The following TSPAN9 variants were observed in gnomAD, a reference collection of about 807,000 sequenced individuals.
TSPAN9 encodes the protein tetraspanin-9.
TSPAN9 carries 16 observed loss-of-function variants against 31.0 expected under a neutral mutation model. The ratio of observed to expected loss-of-function variants is 0.52; its 90% CI spans 0.35 to 0.78. The LOEUF (loss-of-function observed/expected upper bound fraction) is 0.78. Among genes scored for constraint, TSPAN9 ranks in the 30% least tolerant of loss-of-function variants. TSPAN9 has a pLI of 0.01. For missense variants in TSPAN9, 272 were observed against 312.5 expected, an observed-to-expected ratio of 0.87 and a Z score of 0.98; for synonymous variants, 145 against 121.6, an observed-to-expected ratio of 1.19 and a Z score of -1.27.
intron 2 of TSPAN9, among the ~76,000 whole-genome samples, chr12:3,130,242 C>T (rs2098329213): frequency 6.6e-6 from 1 of 152,252 alleles, no homozygotes; most frequent in Admixed American, 6.5e-5. Flanking sequence ...CATTTGGCAG[C>T]CGCTTGAAGC....
chr12:3,265,218 C>T (rs1234947362), intron 3 of TSPAN9, among the ~76,000 whole-genome samples: 1 of 152,198 alleles, frequency 6.6e-6, no homozygotes, highest in African/African-American at 2.4e-5. Flanking sequence ...TCTATGCTTT[C>T]CTCTGAAACT....
chr12:3,116,746 C>T lies in TSPAN9; in HGVS notation c.-18+33027C>T, dbSNP rs540599121. On this transcript the variant is annotated intron_variant, in intron 2 of 8. Transcript: ENST00000011898. ...TGGCCGTGCCTCTGCCGTCAGAGCC[C>T]GGGAGCGCGCGCCTGCCCTGTCGTC... is the stretch of plus-strand genomic sequence containing the variant. 1.0e-3 allele frequency among the ~76,000 whole-genome samples: 159 copies of T among 152,284 alleles called. 1 individual carries two copies. The highest frequency in any genetic ancestry group is 3.3e-3 in the African/African-American group (136 of 41,558).
rs111718664 is a variant in TSPAN9, at chr12:3,107,799, G to A, written c.-18+24080G>A. 6.6e-6 allele frequency among the ~76,000 whole-genome samples: 1 copy of A among 152,158 alleles called. No homozygotes were observed. Among genetic ancestry groups the A allele is most frequent in the Non-Finnish European group, 1.5e-5 (1 of 68,042 alleles). On this transcript the variant is annotated intron_variant, in intron 2 of 8. Transcript: ENST00000011898. This position sits in a 1 kb window ranked among gnomAD's most constrained non-coding sequence, Gnocchi z 4.1. ...ACAAATCCAGATACCTGGTGATATCGCTAGTGCTACCTGGGCATGAATTCA... is the reference window on the plus strand; with the variant it reads ...ACAAATCCAGATACCTGGTGATATCACTAGTGCTACCTGGGCATGAATTCA...
rs949477933 is a variant in TSPAN9 at position 3,095,929 on chromosome 12, G to T, written c.-18+12210G>T. On this transcript the variant is annotated intron_variant, in intron 2 of 8. Coordinates refer to ENST00000011898, the MANE Select transcript of TSPAN9 (RefSeq NM_006675.5). ...CAGAGACACTCCTCACTTCCCAGAC[G>T]GGGTGGCGGCCGGGCAGAGGCTGCA... Among the ~76,000 whole-genome samples the T allele has an allele frequency of 1.3e-4, 20 of 149,818 alleles. No individual in the cohort carries two copies. The East Asian group carries it at 3.6e-3, about 27-fold the overall frequency.
chr12:3,105,824 A>G (rs7484793), intron 2 of TSPAN9, among the ~76,000 whole-genome samples: 23 of 148,458 alleles, frequency 1.5e-4, no homozygotes, highest in South Asian at 2.1e-4. Context: ...GCACACGCGC[A>G]CACACACTTT....
At chr12:3,239,893 A>G (rs1418062231) in intron 3 of TSPAN9, among the ~76,000 whole-genome samples, 2 of 151,998 alleles carry the variant, frequency 1.3e-5, no homozygotes, top group Non-Finnish European at 2.9e-5. Context: ...ATAAAGCCAA[A>G]AAAACACTGA....
intron 2 of TSPAN9, among the ~76,000 whole-genome samples, chr12:3,161,536 A>G (rs962858265): frequency 2.6e-5 from 4 of 152,160 alleles, no homozygotes; most frequent in Non-Finnish European, 5.9e-5. Context: ...AAAACCCACC[A>G]CCTGGGGAGC....
At chr12:3,193,789 C>A (rs2098365685) in intron 2 of TSPAN9, among the ~76,000 whole-genome samples, 1 of 152,196 alleles carries the variant, frequency 6.6e-6, no homozygotes, top group South Asian at 2.1e-4. Flanking sequence ...TCTCAGTCTT[C>A]TCTTTTTTCT....
In TSPAN9 at chr12:3,206,338, C is replaced by T. The variant is rs767350497; in HGVS notation, c.63+5082C>T. On this transcript the variant is annotated intron_variant, in intron 3 of 8. Coordinates refer to ENST00000011898, the MANE Select transcript of TSPAN9 (RefSeq NM_006675.5). ...CTCGCAGAGGGCGGATCAGTTTTCT[C>T]GTGCCAGGAAGTCGTGGAATCGGGA... 3.3e-5 allele frequency: 15 copies of T among 455,930 alleles called. 1 individual carries two copies. Among genetic ancestry groups the T allele is most frequent in the South Asian group, 2.2e-4 (14 of 64,564 alleles). 28.2% of individuals were successfully genotyped at this position (455,930 alleles called of 1,614,324 possible).
Position 3,280,447 on chromosome 12 carries a change from G to A in TSPAN9, c.396G>A (p.Val132=), listed in dbSNP as rs1862873013. 1 of 1,613,192 alleles carries A rather than the reference G, an allele frequency of 6.2e-7. No individual in the cohort carries two copies. Among genetic ancestry groups the A allele is most frequent in the Non-Finnish European group, 8.5e-7 (1 of 1,179,992 alleles). ...TGCTGTACCACACCGAGAACAACGT[G>A]GGGCTGAAGAACGCCTGGAACATCA... The part of the protein sequence containing the change: ...GLLLYHTENN[V]GLKNAWNIIQ... Residue 132 remains valine, a synonymous_variant, in exon 6 of 9, where the codon GTG becomes GTA. Transcript: ENST00000011898. The surrounding 1 kb of genome is among the most constrained non-coding windows in gnomAD (Gnocchi z 4.5).
At chr12:3,174,240 T>C (rs1158095222) in intron 2 of TSPAN9, among the ~76,000 whole-genome samples, 1 of 152,122 alleles carries the variant, frequency 6.6e-6, no homozygotes, top group Non-Finnish European at 1.5e-5. Flanking sequence ...GCTAGTTTTT[T>C]AGTTTTTGTA....
intron 3 of TSPAN9, among the ~76,000 whole-genome samples, chr12:3,264,344 C>T (rs1862504339): frequency 6.6e-6 from 1 of 152,234 alleles, no homozygotes; most frequent in Non-Finnish European, 1.5e-5. Context: ...CCGCCTCAAC[C>T]CACCTCCTCT....
chr12:3,085,721 G>A (rs2098300132), intron 2 of TSPAN9, among the ~76,000 whole-genome samples: 1 of 152,190 alleles, frequency 6.6e-6, no homozygotes, highest in African/African-American at 2.4e-5. Flanking sequence ...GTTCTTTCTG[G>A]CTCTGCTGGA....
chr12:3,184,423 A>AAG (rs1008467336), intron 2 of TSPAN9, among the ~76,000 whole-genome samples: 1 of 151,734 alleles, frequency 6.6e-6, no homozygotes, highest in Non-Finnish European at 1.5e-5. Context: ...AAGAAAGAGA[A>AAG]AGAGAGAGAG....
chr12:3,194,802 C>T (rs1223451227), intron 2 of TSPAN9, among the ~76,000 whole-genome samples: 2 of 152,226 alleles, frequency 1.3e-5, no homozygotes, highest in African/African-American at 4.8e-5. Context: ...ACCGTCCTTC[C>T]TGAATCACGG....
At chr12:3,222,021 A>G (rs1309078929) in intron 3 of TSPAN9, among the ~76,000 whole-genome samples, 1 of 152,230 alleles carries the variant, frequency 6.6e-6, no homozygotes, top group African/African-American at 2.4e-5. Flanking sequence ...TTTAAGGAAC[A>G]CGGGACAAGA....
chr12:3,203,471 T>TA (rs1337758921), intron 3 of TSPAN9, among the ~76,000 whole-genome samples: 39 of 152,334 alleles, frequency 2.6e-4, no homozygotes, highest in African/African-American at 9.4e-4. Context: ...CATCTTCCCT[T>TA]AAAACCTTGG....
rs193297738 is a variant in TSPAN9, at chr12:3,093,001, G to A, written c.-18+9282G>A. ...CACTGCAGGCTGGGCCTCTTCCTGC[G>A]AGGAGCTCACGTTCTGATGTTCAGA... On this transcript the variant is annotated intron_variant, in intron 2 of 8. Coordinates refer to ENST00000011898, the MANE Select transcript of TSPAN9 (RefSeq NM_006675.5). Among the ~76,000 whole-genome samples the A allele has an allele frequency of 3.2e-4, 49 of 152,352 alleles. 1 individual carries two copies. The highest frequency in any genetic ancestry group is 2.8e-3 in the Admixed American group (43 of 15,304).
Position 3,187,066 on chromosome 12 carries a change from C to A in TSPAN9, c.-17-14111C>A, listed in dbSNP as rs1169653878. On this transcript the variant is annotated intron_variant, in intron 2 of 8. Coordinates refer to ENST00000011898, the MANE Select transcript of TSPAN9 (RefSeq NM_006675.5). The surrounding 1 kb of genome is among the most constrained non-coding windows in gnomAD (Gnocchi z 5.2). ...GAATCGGGGCTTTTCCCCTGTAGAGCTGATTGTTGAACGTCTGCCAGCCCA... is the reference window on the plus strand; with the variant it reads ...GAATCGGGGCTTTTCCCCTGTAGAGATGATTGTTGAACGTCTGCCAGCCCA... Among the ~76,000 whole-genome samples the A allele has an allele frequency of 6.6e-6, 1 of 152,186 alleles. No homozygotes were observed.
Sources: allele counts gnomAD v4.1 joint callset (sites outside exome capture counted in the v4.1 genomes callset), GRCh38; gene constraint gnomAD v4.1.1; non-coding constraint Gnocchi (gnomAD v3.1); transcripts MANE v1.5; gene names NCBI Gene and HGNC (gene_info 2026-07-23, HGNC 2026-07-21).